Variants in ZAN observed in about 807,000 individuals in gnomAD.
ZAN encodes zonadhesin (gene/pseudogene).
A neutral mutation model predicts 286.2 loss-of-function variants in ZAN; 260 were observed. The observed-to-expected ratio is 0.91, with a 90% CI of 0.82 to 1.01. ZAN has a LOEUF of 1.01. Ranked by LOEUF, ZAN falls within the 50% of genes least tolerant of loss-of-function variation. The pLI is 0.00. For missense variants in ZAN, 3,410 were observed against 3,639.2 expected (o/e 0.94, Z 1.62); for synonymous variants, 1,368 against 1,417.5 (o/e 0.97, Z 0.79).
intron 29 of ZAN, among the ~76,000 whole-genome samples, chr7:100,772,291 G>C (rs921086611): frequency 6.6e-6 from 1 of 150,756 alleles, no homozygotes; most frequent in Admixed American, 6.7e-5. Context: ...ACTTGGCCAG[G>C]TGTGGTGGCA....
chr7:100,746,848 G>T, intron 8 of ZAN, 146 bp downstream of exon 8: 1 of 1,069,132 alleles, frequency 9.4e-7, no homozygotes, highest in Non-Finnish European at 1.3e-6. Flanking sequence ...ATCATGGCTG[G>T]GAGGGCACTT....
chr7:100,794,377 C>T (rs2116352374), intron 44 of ZAN, 119 bp downstream of exon 44: 1 of 1,471,310 alleles, frequency 6.8e-7, no homozygotes, highest in Non-Finnish European at 9.0e-7. Flanking sequence ...ATGTCTGTCC[C>T]TGCCTTTGTA....
chr7:100,775,008 A>G (rs529174176), intron 31 of ZAN, among the ~76,000 whole-genome samples: 2 of 151,618 alleles, frequency 1.3e-5, no homozygotes, highest in South Asian at 4.2e-4. Context: ...GCTCACTGCA[A>G]CCTCCATCTC....
chr7:100,736,735 T>C, intron 4 of ZAN, 74 bp from the exon 5 acceptor site: 3 of 1,463,120 alleles, frequency 2.1e-6, no homozygotes, highest in Non-Finnish European at 2.8e-6. Context: ...ATGCCTGGGC[T>C]CTGAGAAGGG....
intron 27 of ZAN, among the ~76,000 whole-genome samples, chr7:100,769,233 A>G (rs939631046): frequency 6.6e-6 from 1 of 152,136 alleles, no homozygotes; most frequent in African/African-American, 2.4e-5. Context: ...AGCTGGGATT[A>G]CAGGCACTCG....
chr7:100,779,674 G>A lies in ZAN; in HGVS notation c.6546G>A (p.Gln2182=). 1 of 1,569,588 alleles carries A rather than the reference G, an allele frequency of 6.4e-7. No homozygotes were observed. The highest frequency in any genetic ancestry group is 8.6e-7 in the Non-Finnish European group (1 of 1,157,592). The stretch of plus-strand genomic sequence containing the variant: ...GAGGTCTCTACCAGGCCCTCTGCCA[G>A]GCTCTGCAAGCCTTCGGGGCCACCT... ...EFGGLYQALC[Q]ALQAFGATCQ... The change falls in exon 35 of 48, where the codon CAG becomes CAA. Residue 2182 remains glutamine (Q), a synonymous_variant. Coordinates refer to ENST00000613979, the MANE Select transcript of ZAN (RefSeq NM_003386.3).
intron 19 of ZAN, 122 bp from the exon 20 acceptor site, chr7:100,762,093 C>G: frequency 3.2e-6 from 4 of 1,269,402 alleles, no homozygotes; most frequent in Non-Finnish European, 4.5e-6. Flanking sequence ...CCAGTCCGCA[C>G]CTCTTCATCC....
chr7:100,796,255 T>C (rs917699485), intron 45 of ZAN, among the ~76,000 whole-genome samples: 5 of 152,084 alleles, frequency 3.3e-5, no homozygotes, highest in East Asian at 1.9e-4. Flanking sequence ...GCACCTTCCA[T>C]TGTCCTTTCC....
At chr7:100,773,951 A>C in intron 31 of ZAN, 86 bp downstream of exon 31, 2 of 1,501,708 alleles carry the variant, frequency 1.3e-6, no homozygotes, top group Non-Finnish European at 1.8e-6. Context: ...TGCCTGTAGC[A>C]CTGGGTTTCA....
intron 33 of ZAN, 40 bp from the exon 34 acceptor site, chr7:100,776,400 C>A: frequency 1.3e-6 from 2 of 1,580,682 alleles, no homozygotes; most frequent in Non-Finnish European, 8.6e-7. Flanking sequence ...AAACTGTTCT[C>A]GTGCTTCCCC....
intron 34 of ZAN, among the ~76,000 whole-genome samples, 185 bp downstream of exon 34, chr7:100,776,749 G>T (rs1405419439): frequency 2.6e-5 from 1 of 38,432 alleles, no homozygotes; most frequent in African/African-American, 7.7e-5. Flanking sequence ...TTTTTGAGAC[G>T]GAGTCTTGCT....
At chr7:100,775,866 A>G in intron 33 of ZAN, 33 bp downstream of exon 33, 1 of 1,606,816 alleles carries the variant, frequency 6.2e-7, no homozygotes, top group Non-Finnish European at 8.5e-7. Context: ...CTCGCTGGGG[A>G]GGCAGCCCCA....
Position 100,777,852 on chromosome 7 carries a change from A to G in ZAN, c.6317+1288A>G, listed in dbSNP as rs1328222118. On this transcript the variant is annotated intron_variant, in intron 34 of 47. Transcript: ENST00000613979. ...AATGATCCTCCCGCCTCGGCCCCCC[A>G]AAGTGCTGGGATTACAGGCCAGAAT... Among the ~76,000 whole-genome samples the G allele has an allele frequency of 2.0e-5, 3 of 149,148 alleles. No individual in the cohort carries two copies. In the East Asian group the frequency reaches 6.4e-4, roughly 32 times the overall value.
chr7:100,788,078 A>C lies in ZAN; in HGVS notation c.7169A>C (p.Glu2390Ala). The change falls in exon 38 of 48, where the codon GAA (glutamate) becomes GCA (alanine). Residue 2390 changes from glutamate to alanine, a missense_variant. Coordinates refer to ENST00000613979, the MANE Select transcript of ZAN (RefSeq NM_003386.3). ...CCCAGGAGCTCCATCTTCTTGCAGG[A>C]AGTGATTACCACCGTCTACGGCTAT... is the stretch of plus-strand genomic sequence containing the variant. ...DPPRSSIFLQ[E>A]VITTVYGYKV... 8 of 1,583,702 alleles carry C rather than the reference A, an allele frequency of 5.1e-6. No homozygotes were observed. The highest frequency in any genetic ancestry group is 1.3e-5 in the African/African-American group (1 of 74,730).
intron 19 of ZAN, among the ~76,000 whole-genome samples, chr7:100,761,314 G>A (rs868248394): frequency 2.7e-4 from 41 of 152,216 alleles, no homozygotes; most frequent in African/African-American, 7.7e-4. Context: ...GACCAGCCTG[G>A]GCAACATAGT....
intron 19 of ZAN, among the ~76,000 whole-genome samples, chr7:100,761,400 G>A (rs1809569766): frequency 6.6e-6 from 1 of 152,116 alleles, no homozygotes; most frequent in Admixed American, 6.6e-5. Flanking sequence ...AGCATGCTGG[G>A]AGGCCGAAGC....
intron 35 of ZAN, 27 bp downstream of exon 35, chr7:100,779,777 A>T: frequency 1.3e-6 from 2 of 1,529,126 alleles, no homozygotes; most frequent in South Asian, 2.4e-5. Context: ...GTCACCCCAA[A>T]CCCCTCCCAA....
At chr7:100,797,487 G>A in intron 46 of ZAN, 22 bp downstream of exon 46, 1 of 1,613,898 alleles carries the variant, frequency 6.2e-7, no homozygotes, top group Non-Finnish European at 8.5e-7. Flanking sequence ...GAAGGAGAGA[G>A]GAAGGGCGGG....
intron 43 of ZAN, 50 bp from the exon 44 acceptor site, chr7:100,794,070 A>G: frequency 1.9e-6 from 3 of 1,613,466 alleles, no homozygotes; most frequent in Non-Finnish European, 2.5e-6. Flanking sequence ...AAGGAGAGCC[A>G]GACCAGGGAT....
Sources: allele counts gnomAD v4.1 joint callset (sites outside exome capture counted in the v4.1 genomes callset), GRCh38; gene constraint gnomAD v4.1.1; transcripts MANE v1.5; gene names NCBI Gene and HGNC (gene_info 2026-07-23, HGNC 2026-07-21).